Variants in TAFA2 observed in about 807,000 individuals in gnomAD.
TAFA2 encodes chemokine-like protein TAFA-2.
In TAFA2, 7 loss-of-function variants were observed where a neutral mutation model predicts 18.8. That is an observed-to-expected ratio of 0.37 (90% CI 0.21 to 0.70). The LOEUF is 0.70. Among genes scored for constraint, TAFA2 ranks in the 30% least tolerant of loss-of-function variants. The pLI is 0.53. For missense variants in TAFA2, 122 were observed against 158.1 expected, an observed-to-expected ratio of 0.77 and a Z score of 1.23; for synonymous variants, 60 against 54.2, an observed-to-expected ratio of 1.11 and a Z score of -0.47.
At chr12:62,171,316 T>G (rs1433399722) in intron 1 of TAFA2, among the ~76,000 whole-genome samples, 2 of 152,208 alleles carry the variant, frequency 1.3e-5, no homozygotes, top group Non-Finnish European at 2.9e-5. Context: ...AATTTTACAC[T>G]GCAGAACAAT....
chr12:62,256,951 GGTGA>G (rs2062942190), intron 1 of TAFA2, among the ~76,000 whole-genome samples: 1 of 152,038 alleles, frequency 6.6e-6, no homozygotes, highest in African/African-American at 2.4e-5. Context: ...GGTTTAGAGA[GGTGA>G]GTAAGAATGA....
At position 62,011,021 on chromosome 12, in the gene TAFA2, G is replaced by A. The variant is rs573628696; in HGVS notation, c.-1-143595C>T. Among the ~76,000 whole-genome samples the A allele has an allele frequency of 2.5e-4, 36 of 143,082 alleles. 5 individuals are homozygous for A. The highest frequency in any genetic ancestry group is 8.0e-4 in the African/African-American group (30 of 37,486). 93.9% of individuals were successfully genotyped at this position (143,082 alleles called of 152,430 possible). A position where few individuals can be genotyped will look rare whatever the true frequency, so the allele number is the denominator to read the frequency against. On this transcript the variant is annotated intron_variant, in intron 1 of 4. Coordinates refer to ENST00000416284, the MANE Select transcript of TAFA2 (RefSeq NM_178539.5). ...CGTCTGGGAAGTGGGGGGCGCCTCT[G>A]CCCGGCCACCCCATCTGGGAGGTGG...
rs548194417 is a variant in TAFA2 at position 61,876,500 on chromosome 12, C to T, written c.-1-9074G>A. On this transcript the variant is annotated intron_variant, in intron 1 of 4. Transcript: ENST00000416284. The stretch of plus-strand genomic sequence containing the variant: ...AGCCAGCACTAGCTAGTTAACAGCA[C>T]GCATTCAAGAGAGCAAAACAGCTTA... Among the ~76,000 whole-genome samples, 10 of 152,284 alleles carry T rather than the reference C, an allele frequency of 6.6e-5. No individual in the cohort carries two copies. In the East Asian group the frequency reaches 9.7e-4, roughly 15 times the overall value.
intron 4 of TAFA2, among the ~76,000 whole-genome samples, chr12:61,719,040 T>A (rs7489171): frequency 9.2e-5 from 14 of 152,110 alleles, no homozygotes; most frequent in African/African-American, 3.1e-4. Flanking sequence ...CTTGAGATAC[T>A]GAAACCACCT....
intron 1 of TAFA2, among the ~76,000 whole-genome samples, chr12:62,158,919 T>C (rs1374604655): frequency 6.6e-6 from 1 of 152,196 alleles, no homozygotes. Context: ...TTCAACTAAT[T>C]TGAAGCAAGG....
At chr12:62,053,392 T>C (rs967785367) in intron 1 of TAFA2, among the ~76,000 whole-genome samples, 2 of 152,120 alleles carry the variant, frequency 1.3e-5, no homozygotes, top group Admixed American at 6.6e-5. Context: ...AGCACCTTTA[T>C]GCATATAAAA....
chr12:62,053,832 T>C (rs1882117872), intron 1 of TAFA2, among the ~76,000 whole-genome samples: 1 of 152,214 alleles, frequency 6.6e-6, no homozygotes, highest in Admixed American at 6.5e-5. Flanking sequence ...AGAACCTATC[T>C]CACAGGCTTG....
chr12:61,808,615 G>T (rs1349670123), intron 2 of TAFA2, among the ~76,000 whole-genome samples: 1 of 151,370 alleles, frequency 6.6e-6, no homozygotes, highest in Non-Finnish European at 1.5e-5. Context: ...TAGTTTAGCA[G>T]GAAGTTACGG....
chr12:61,749,111 A>C (rs7964936), intron 4 of TAFA2, among the ~76,000 whole-genome samples: 45,541 of 115,642 alleles, frequency 0.39, 7,065 homozygotes, highest in Admixed American at 0.45. Flanking sequence ...ACTAAAAATA[A>C]AAAAAAAAAA....
intron 1 of TAFA2, among the ~76,000 whole-genome samples, chr12:62,211,652 T>C (rs570695605): frequency 2.0e-5 from 3 of 152,092 alleles, no homozygotes; most frequent in South Asian, 2.1e-4. Flanking sequence ...TTATTGTTAA[T>C]AGGTCTTCTT....
rs116004575 is a variant in TAFA2, at chr12:61,903,500, G to A, written c.-1-36074C>T. On this transcript the variant is annotated intron_variant, in intron 1 of 4. Coordinates refer to ENST00000416284, the MANE Select transcript of TAFA2 (RefSeq NM_178539.5). ...TTTCTGACTCCAGCATCTAAGTTCC[G>A]TAAGAGAAAACTTTTCTGTCGTCTT... Among the ~76,000 whole-genome samples the A allele has an allele frequency of 6.9e-3, 1,050 of 152,066 alleles. 12 individuals carry two copies. Among genetic ancestry groups the A allele is most frequent in the African/African-American group, 0.024 (1,003 of 41,492 alleles).
intron 2 of TAFA2, among the ~76,000 whole-genome samples, chr12:61,855,935 G>A (rs557218771): frequency 3.4e-4 from 51 of 152,024 alleles, no homozygotes; most frequent in African/African-American, 1.2e-3. Flanking sequence ...CAAAATAAAA[G>A]TAAGATTTTA....
At chr12:61,864,202 T>C (rs1321052028) in intron 2 of TAFA2, among the ~76,000 whole-genome samples, 1 of 151,942 alleles carries the variant, frequency 6.6e-6, no homozygotes, top group East Asian at 1.9e-4. Flanking sequence ...ACAAATACAA[T>C]TCTGATGAAC....
At chr12:61,805,912 T>C (rs1452572942) in intron 2 of TAFA2, among the ~76,000 whole-genome samples, 1 of 152,158 alleles carries the variant, frequency 6.6e-6, no homozygotes. Flanking sequence ...TTGTTTATTA[T>C]GTGACTCAGA....
rs71083956 is a variant in TAFA2 at position 61,760,365 on chromosome 12, A to AATATATATATAT, written c.107-5353_107-5342dup. ...TTGGCATTGGTAGGAAAAATATCAAAATATATATATATATATATGCGCCAG... is the reference window on the plus strand; with the variant it reads ...TTGGCATTGGTAGGAAAAATATCAAAATATATATATATATATATATATATATATATGCGCCAG... On this transcript the variant is annotated intron_variant, in intron 2 of 4. Coordinates refer to ENST00000416284, the MANE Select transcript of TAFA2 (RefSeq NM_178539.5). Among the ~76,000 whole-genome samples, 717 of 122,194 alleles carry AATATATATATAT rather than the reference A, an allele frequency of 5.9e-3. 26 individuals carry two copies. The highest frequency in any genetic ancestry group is 0.019 in the African/African-American group (646 of 33,390). The allele number at this position is 122,194 out of a possible 152,430, so 80.2% of individuals were successfully genotyped here.
At chr12:61,923,088 G>T (rs1877126582) in intron 1 of TAFA2, among the ~76,000 whole-genome samples, 1 of 152,196 alleles carries the variant, frequency 6.6e-6, no homozygotes, top group South Asian at 2.1e-4. Context: ...AAAGGCAGCA[G>T]CCCCAGTCAG....
At chr12:61,864,893 A>G (rs535432190) in intron 2 of TAFA2, among the ~76,000 whole-genome samples, 1 of 151,990 alleles carries the variant, frequency 6.6e-6, no homozygotes, top group South Asian at 2.1e-4. Flanking sequence ...TTTTATCTTG[A>G]ATGCTCACCA....
intron 1 of TAFA2, among the ~76,000 whole-genome samples, chr12:62,254,744 C>G (rs2062930505): frequency 6.6e-6 from 1 of 152,164 alleles, no homozygotes; most frequent in Admixed American, 6.5e-5. Context: ...CTTAGCAAAA[C>G]CTGGAACACA....
At chr12:62,082,924 TC>T (rs1856409240) in intron 1 of TAFA2, among the ~76,000 whole-genome samples, 1 of 152,188 alleles carries the variant, frequency 6.6e-6, no homozygotes, top group African/African-American at 2.4e-5. Flanking sequence ...TGATTTTTTT[TC>T]CATTTAATCC....
Sources: gnomAD v4.1 joint callset for allele counts (sites outside exome capture counted in the v4.1 genomes callset) on GRCh38, gnomAD v4.1.1 for gene constraint, MANE v1.5 for transcripts, NCBI Gene and HGNC (gene_info 2026-07-23, HGNC 2026-07-21) for gene names.